The following TAFA1 variants were observed in gnomAD, a reference collection of about 807,000 sequenced individuals.
TAFA1 encodes the protein TAFA chemokine like family member 1.
TAFA1 carries 4 observed loss-of-function variants against 18.5 expected under a neutral mutation model. The ratio of observed to expected loss-of-function variants is 0.22; its 90% CI spans 0.11 to 0.49. The LOEUF is 0.49. TAFA1 is among the 20% of genes least tolerant of loss of function. The pLI, the probability that TAFA1 is intolerant of heterozygous loss-of-function variation, is 0.98. For synonymous variants in TAFA1, 56 were observed against 55.2 expected (o/e 1.01, Z -0.06); for missense variants, 147 against 169.0 (o/e 0.87, Z 0.72).
chr3:68,034,367 C>T (rs528331063), intron 2 of TAFA1, among the ~76,000 whole-genome samples: 2 of 152,296 alleles, frequency 1.3e-5, no homozygotes, highest in African/African-American at 4.8e-5. Context: ...ATTTGATCCT[C>T]ACCATAAACC....
intron 2 of TAFA1, among the ~76,000 whole-genome samples, chr3:68,373,649 C>T (rs968734943): frequency 6.6e-6 from 1 of 152,168 alleles, no homozygotes; most frequent in African/African-American, 2.4e-5. Flanking sequence ...GACACCAGCA[C>T]GCTCTACAAG....
chr3:68,428,147 A>G lies in TAFA1; in HGVS notation c.259+10727A>G, dbSNP rs75838121. 8.4e-3 allele frequency among the ~76,000 whole-genome samples: 1,274 copies of G among 151,996 alleles called. 16 individuals carry two copies. The highest frequency in any genetic ancestry group is 0.028 in the African/African-American group (1,168 of 41,512). The stretch of plus-strand genomic sequence containing the variant: ...TCAGATTTAAAATTGAAGAATGAGT[A>G]TTTTCCTGTTACCCATACTGTTGAG... On this transcript the variant is annotated intron_variant, in intron 3 of 4. Coordinates refer to ENST00000478136, the MANE Select transcript of TAFA1 (RefSeq NM_213609.4).
At chr3:68,049,451 A>G (rs573262028) in intron 2 of TAFA1, among the ~76,000 whole-genome samples, 90 of 152,040 alleles carry the variant, frequency 5.9e-4, no homozygotes, top group Admixed American at 1.4e-3. Flanking sequence ...TGAAGAAAAG[A>G]GAGTGATTAT....
At chr3:68,098,794 T>C (rs963690159) in intron 2 of TAFA1, among the ~76,000 whole-genome samples, 1 of 152,064 alleles carries the variant, frequency 6.6e-6, no homozygotes, top group Non-Finnish European at 1.5e-5. Context: ...ATGGTACGGG[T>C]ACAAAAACAG....
chr3:68,446,880 T>G (rs2071480347), intron 3 of TAFA1, among the ~76,000 whole-genome samples: 1 of 152,006 alleles, frequency 6.6e-6, no homozygotes, highest in Non-Finnish European at 1.5e-5. Context: ...TGGAGTGGAG[T>G]AGTCAGAATG....
chr3:68,188,328 C>T (rs1430700031), intron 2 of TAFA1, among the ~76,000 whole-genome samples: 1 of 151,696 alleles, frequency 6.6e-6, no homozygotes, highest in Non-Finnish European at 1.5e-5. Flanking sequence ...TTTAAATAGT[C>T]ATTTGGCTTT....
intron 3 of TAFA1, among the ~76,000 whole-genome samples, chr3:68,490,021 C>T (rs2072420433): frequency 6.6e-6 from 1 of 152,180 alleles, no homozygotes; most frequent in African/African-American, 2.4e-5. Flanking sequence ...GTGAGACTAT[C>T]ACTTCCAAGG....
chr3:68,474,806 C>T (rs971231), intron 3 of TAFA1, among the ~76,000 whole-genome samples: 64,857 of 151,972 alleles, frequency 0.43, 14,495 homozygotes, highest in Middle Eastern at 0.48. Flanking sequence ...GTTTCTAGTA[C>T]AGGAGGAAAT....
At chr3:68,241,531 A>G (rs999967847) in intron 2 of TAFA1, among the ~76,000 whole-genome samples, 2 of 152,206 alleles carry the variant, frequency 1.3e-5, no homozygotes, top group African/African-American at 4.8e-5. Context: ...AGTGAAAAAC[A>G]GAACACAAAT....
In TAFA1 at chr3:68,239,663, C is replaced by A. The variant is rs78801656; in HGVS notation, c.119-177617C>A. ...TTTTAAGTAGTGCTTAGTTTAACTT[C>A]TAATCTCTTGAAGGCTTAGTTGCCA... On this transcript the variant is annotated intron_variant, in intron 2 of 4. Coordinates refer to ENST00000478136, the MANE Select transcript of TAFA1 (RefSeq NM_213609.4). 8.7e-3 allele frequency among the ~76,000 whole-genome samples: 1,320 copies of A among 152,268 alleles called. 24 individuals are homozygous for A. The highest frequency in any genetic ancestry group is 0.03 in the African/African-American group (1,244 of 41,556).
At chr3:68,419,366 G>A (rs760989745) in intron 3 of TAFA1, among the ~76,000 whole-genome samples, 1 of 152,108 alleles carries the variant, frequency 6.6e-6, no homozygotes, top group Non-Finnish European at 1.5e-5. Context: ...GGCTTGGAAG[G>A]GTTGAATAGT....
At chr3:68,439,100 A>G (rs2071317409) in intron 3 of TAFA1, among the ~76,000 whole-genome samples, 3 of 152,088 alleles carry the variant, frequency 2.0e-5, no homozygotes, top group African/African-American at 7.2e-5. Flanking sequence ...TCTCTTTAGG[A>G]AACAGTCACT....
intron 3 of TAFA1, among the ~76,000 whole-genome samples, chr3:68,431,917 T>C (rs2071182025): frequency 1.3e-5 from 2 of 151,992 alleles, no homozygotes; most frequent in Non-Finnish European, 2.9e-5. Context: ...GAAAGGGTCA[T>C]AATAGATCAA....
intron 2 of TAFA1, among the ~76,000 whole-genome samples, chr3:68,111,511 AAATT>A (rs2065261583): frequency 6.6e-6 from 1 of 152,168 alleles, no homozygotes; most frequent in Non-Finnish European, 1.5e-5. Context: ...GTAAAATGGT[AAATT>A]AATTATGAAT....
intron 2 of TAFA1, among the ~76,000 whole-genome samples, chr3:68,370,349 T>TATAC (rs2069663417): frequency 1.6e-5 from 1 of 61,064 alleles, no homozygotes; most frequent in Non-Finnish European, 2.9e-5. Context: ...TATATATATA[T>TATAC]ATATACACAC....
intron 2 of TAFA1, among the ~76,000 whole-genome samples, chr3:68,394,366 G>A (rs569343965): frequency 3.3e-4 from 50 of 152,162 alleles, no homozygotes; most frequent in Non-Finnish European, 4.4e-5. Flanking sequence ...CGTGAAAATG[G>A]CCATGCTCCC....
chr3:68,041,901 C>G (rs947712777), intron 2 of TAFA1, among the ~76,000 whole-genome samples: 28 of 152,166 alleles, frequency 1.8e-4, no homozygotes, highest in African/African-American at 6.8e-4. Context: ...TCTTCACATA[C>G]CATGGCTTGA....
intron 2 of TAFA1, among the ~76,000 whole-genome samples, chr3:68,399,829 C>T (rs969850205): frequency 3.3e-5 from 5 of 152,040 alleles, no homozygotes; most frequent in South Asian, 2.1e-4. Context: ...TATTGACATG[C>T]AGAAACAAAA....
intron 4 of TAFA1, among the ~76,000 whole-genome samples, chr3:68,541,749 T>G (rs1228965264): frequency 1.3e-5 from 2 of 152,168 alleles, no homozygotes; most frequent in Non-Finnish European, 2.9e-5. Flanking sequence ...AACTTCAATA[T>G]AAAGATAATC....
Sources: allele counts gnomAD v4.1 joint callset (sites outside exome capture counted in the v4.1 genomes callset), GRCh38; gene constraint gnomAD v4.1.1; transcripts MANE v1.5; gene names NCBI Gene and HGNC (gene_info 2026-07-23, HGNC 2026-07-21).